The following MOSPD2 variants were observed in gnomAD, a reference collection of about 807,000 sequenced individuals.
MOSPD2 encodes the protein motile sperm domain-containing protein 2.
In MOSPD2, 5 loss-of-function variants were observed where a neutral mutation model predicts 41.7. The observed-to-expected ratio is 0.12, with a 90% CI of 0.06 to 0.25. The LOEUF is 0.25. Among genes scored for constraint, MOSPD2 ranks in the 10% least tolerant of loss-of-function variants. The probability of loss-of-function intolerance (pLI) is 1.00; values close to 1 mark genes in which losing one functional copy is unlikely to be tolerated. For missense variants in MOSPD2, 282 were observed against 375.2 expected (o/e 0.75, Z 2.05); for synonymous variants, 115 against 126.9 (o/e 0.91, Z 0.63).
In MOSPD2 at chrX:14,915,558, T is replaced by TA. The variant is rs1173269219; in HGVS notation, c.1090-102dup. 54 of 363,808 alleles carry TA rather than the reference T, an allele frequency of 1.5e-4. 1 individual carries two copies. Among genetic ancestry groups the TA allele is most frequent in the Non-Finnish European group, 2.0e-4 (47 of 239,148 alleles). The allele number at this position is 363,808 out of a possible 1,213,427, so 30.0% of individuals were successfully genotyped here. A position where few individuals can be genotyped will look rare whatever the true frequency, so the allele number is the denominator to read the frequency against. On this transcript the variant is annotated intron_variant, in intron 11 of 14. Coordinates refer to ENST00000380492, the MANE Select transcript of MOSPD2 (RefSeq NM_152581.4). ...CCTAAAACTTAAAGTATAATAAAAA[T>TA]AAAAAAAATAAAAATAAAAATAAAA...
At position 14,919,759 on chromosome X, in the gene MOSPD2, A is replaced by G. The variant is rs753032101; in HGVS notation, c.1507A>G (p.Met503Val). The G allele has an allele frequency of 6.1e-5, 74 of 1,209,246 alleles. No homozygotes were observed. The highest frequency in any genetic ancestry group is 7.9e-5 in the Non-Finnish European group (71 of 894,550). The change falls in exon 15 of 15, where the codon ATG becomes GTG. Residue 503 changes from methionine to valine, a missense_variant. Coordinates refer to ENST00000380492, the MANE Select transcript of MOSPD2 (RefSeq NM_152581.4). ...CCAGCAGCTGCTGCTTTCCTTAACA[A>G]TGCTCTTGCTTGCTTTTGTCACCTC... ...WFQQLLLSLT[M>V]LLLAFVTSFF...
chrX:14,914,748 G>A (rs1397895924), intron 11 of MOSPD2, 149 bp downstream of exon 11: 1 of 387,229 alleles, frequency 2.6e-6, no homozygotes, highest in African/African-American at 2.6e-5. Context: ...CTACCTTCTG[G>A]TTCTAACCAA....
chrX:14,874,218 C>T (rs1474365153), intron 2 of MOSPD2: 1 of 127,561 alleles, frequency 7.8e-6, no homozygotes, highest in Non-Finnish European at 1.6e-5. Context: ...ACCCAGCATG[C>T]TACCCACAAA....
chrX:14,914,398 C>G, intron 10 of MOSPD2, 105 bp from the exon 11 acceptor site: 9 of 475,892 alleles, frequency 1.9e-5, no homozygotes, highest in Non-Finnish European at 2.5e-5. Context: ...TGTCTTTATA[C>G]AAATGAGCAT....
chrX:14,882,940 G>A (rs940575776), intron 2 of MOSPD2, among the ~76,000 whole-genome samples: 4 of 111,035 alleles, frequency 3.6e-5, no homozygotes, highest in Non-Finnish European at 7.6e-5. Flanking sequence ...CTCACGCCTG[G>A]AATCCCAGCA....
chrX:14,898,853 A>C (rs2092567401), intron 5 of MOSPD2, among the ~76,000 whole-genome samples: 2 of 111,585 alleles, frequency 1.8e-5, no homozygotes, highest in African/African-American at 6.5e-5. Flanking sequence ...AAATACTTGA[A>C]TCTTACTGAA....
chrX:14,907,330 A>G (rs1790129251), intron 7 of MOSPD2, among the ~76,000 whole-genome samples: 1 of 112,357 alleles, frequency 8.9e-6, no homozygotes, highest in African/African-American at 3.2e-5. Flanking sequence ...TAGAATTACC[A>G]TATGACCCAA....
At chrX:14,882,025 G>C (rs1658202063) in intron 2 of MOSPD2, among the ~76,000 whole-genome samples, 1 of 110,123 alleles carries the variant, frequency 9.1e-6, no homozygotes, top group African/African-American at 3.3e-5. Flanking sequence ...GGTGGGGGAA[G>C]GGGGGAGGGA....
chrX:14,873,897 G>A (rs937102219), intron 2 of MOSPD2, 139 bp downstream of exon 2: 5 of 542,134 alleles, frequency 9.2e-6, no homozygotes, highest in African/African-American at 4.5e-5. Flanking sequence ...ACGTCTCAAA[G>A]GTTTTCCTCT....
intron 7 of MOSPD2, among the ~76,000 whole-genome samples, chrX:14,903,948 T>G (rs1021285259): frequency 1.8e-5 from 2 of 111,774 alleles, no homozygotes; most frequent in Non-Finnish European, 3.8e-5. Flanking sequence ...CACAAACTAC[T>G]GAAACTAATT....
At chrX:14,882,253 G>A (rs2147479519) in intron 2 of MOSPD2, among the ~76,000 whole-genome samples, 1 of 111,383 alleles carries the variant, frequency 9.0e-6, no homozygotes, top group South Asian at 3.8e-4. Flanking sequence ...AATACCACAT[G>A]ATCTCACATA....
intron 4 of MOSPD2, 104 bp downstream of exon 4, chrX:14,895,498 C>A: frequency 2.0e-6 from 1 of 500,470 alleles, no homozygotes; most frequent in Non-Finnish European, 3.5e-6. Flanking sequence ...CTGTAGCACT[C>A]CTCAGGTCTT....
Position 14,873,775 on chromosome X carries a change from A to G in MOSPD2, c.79+17A>G. ...ATGTGACAGGTGGGTACTCTGTTCC[A>G]GGTATTAAGAAAGGTGTGCAGTGAG... On this transcript the variant is annotated intron_variant, in intron 2 of 14. Transcript: ENST00000380492. The G allele has an allele frequency of 8.5e-7, 1 of 1,172,884 alleles. No individual in the cohort carries two copies. Among genetic ancestry groups the G allele is most frequent in the East Asian group, 3.0e-5 (1 of 33,619 alleles).
chrX:14,921,198 T>A lies in MOSPD2; in HGVS notation c.*1389T>A. On this transcript the variant is annotated 3_prime_UTR_variant, in exon 15 of 15. Transcript: ENST00000380492. ...AAAATGTTGAGTTTCGATTGAGCCA[T>A]GTTTGGAGATTTTATTACTATTCTG... 1 of 910,807 alleles carries A rather than the reference T, an allele frequency of 1.1e-6. No homozygotes were observed. The highest frequency in any genetic ancestry group is 1.4e-6 in the Non-Finnish European group (1 of 738,564). 75.1% of individuals were successfully genotyped at this position (910,807 alleles called of 1,213,427 possible).
At chrX:14,912,494 C>A in intron 10 of MOSPD2, 133 bp downstream of exon 10, 1 of 399,721 alleles carries the variant, frequency 2.5e-6, no homozygotes, top group Non-Finnish European at 4.1e-6. Flanking sequence ...TATCTGAAGA[C>A]TTACCTTGGT....
In MOSPD2 at chrX:14,921,097, A is replaced by G; in HGVS notation, c.*1288A>G. ...ATGACATGAGTTTGTTTTCTCATTA[A>G]TATGACCAGTTTGGGTCTATGTTGG... On this transcript the variant is annotated 3_prime_UTR_variant, in exon 15 of 15. Transcript: ENST00000380492. 1 of 817,251 alleles carries G rather than the reference A, an allele frequency of 1.2e-6. No homozygotes were observed. The allele number at this position is 817,251 out of a possible 1,213,427, so 67.4% of individuals were successfully genotyped here. A position where few individuals can be genotyped will look rare whatever the true frequency, so the allele number is the denominator to read the frequency against.
intron 2 of MOSPD2, among the ~76,000 whole-genome samples, chrX:14,888,206 G>GCACACACACACA (rs775166629): frequency 3.5e-5 from 2 of 56,753 alleles, no homozygotes; most frequent in Non-Finnish European, 8.4e-5. Context: ...ACACACACAC[G>GCACACACACACA]CACACACACA....
At chrX:14,881,787 G>T (rs182356540) in intron 2 of MOSPD2, among the ~76,000 whole-genome samples, 1 of 112,235 alleles carries the variant, frequency 8.9e-6, no homozygotes, top group Non-Finnish European at 1.9e-5. Flanking sequence ...GATCTTAAGA[G>T]GTTATCAGAT....
At chrX:14,912,613 TAATA>T (rs773636387) in intron 10 of MOSPD2, among the ~76,000 whole-genome samples, 1 of 111,949 alleles carries the variant, frequency 8.9e-6, no homozygotes, top group Non-Finnish European at 1.9e-5. Flanking sequence ...ATTTATATAT[TAATA>T]AATCTGAATG....
Sources: gnomAD v4.1 joint callset for allele counts (sites outside exome capture counted in the v4.1 genomes callset) on GRCh38, gnomAD v4.1.1 for gene constraint, MANE v1.5 for transcripts, NCBI Gene and HGNC (gene_info 2026-07-23, HGNC 2026-07-21) for gene names.